Variants in CLNK observed in about 807,000 individuals in gnomAD.
The protein encoded by CLNK is cytokine dependent hematopoietic cell linker.
CLNK carries 74 observed loss-of-function variants against 68.6 expected under a neutral mutation model. The ratio of observed to expected loss-of-function variants is 1.08; its 90% confidence interval spans 0.89 to 1.31. CLNK has a LOEUF of 1.31. Among genes scored for constraint, CLNK ranks in the 50% most tolerant of loss-of-function variants. The probability of loss-of-function intolerance (pLI) is 0.00; values close to 1 mark genes in which losing one functional copy is unlikely to be tolerated. For synonymous variants in CLNK, 198 were observed against 172.2 expected, an observed-to-expected ratio of 1.15 and a Z score of -1.17; for missense variants, 553 against 515.3, an observed-to-expected ratio of 1.07 and a Z score of -0.71.
chr4:10,631,760 A>G (rs1205804014), intron 2 of CLNK, among the ~76,000 whole-genome samples: 1 of 152,228 alleles, frequency 6.6e-6, no homozygotes, highest in Non-Finnish European at 1.5e-5. Flanking sequence ...CAATTAGAAA[A>G]TGTTCTTTTT....
chr4:10,603,934 A>AT (rs1410218366), intron 2 of CLNK, among the ~76,000 whole-genome samples: 2 of 152,172 alleles, frequency 1.3e-5, no homozygotes, highest in Admixed American at 6.5e-5. Context: ...CTTTGGTTAT[A>AT]TTTTTTAGTA....
At chr4:10,536,154 C>T in intron 11 of CLNK, among the ~76,000 whole-genome samples, 1 of 152,184 alleles carries the variant, frequency 6.6e-6, no homozygotes, top group East Asian at 1.9e-4. Flanking sequence ...CTGCAAAAGG[C>T]TGCAGCTGTC....
intron 13 of CLNK, among the ~76,000 whole-genome samples, chr4:10,526,254 A>G (rs1054847525): frequency 4.0e-5 from 6 of 150,344 alleles, no homozygotes; most frequent in Non-Finnish European, 6.0e-5. Flanking sequence ...CTTCCTCCTC[A>G]TTCATTCATT....
the CLNK span, chr4:10,697,323 C>T: frequency 2.0e-5 from 3 of 152,104 alleles, no homozygotes; most frequent in African/African-American, 7.2e-5. Flanking sequence ...ATCCGGAGTT[C>T]AGAGACATGA....
rs2109012926 is a variant in CLNK at position 10,488,762 on chromosome 4, T to C, written c.*1705A>G. 6.6e-6 allele frequency: 1 copy of C among 152,342 alleles called. No homozygotes were observed. The highest frequency in any genetic ancestry group is 2.4e-5 in the African/African-American group (1 of 41,590). 9.4% of individuals were successfully genotyped at this position (152,342 alleles called of 1,614,324 possible). A position where few individuals can be genotyped will look rare whatever the true frequency, so the allele number is the denominator to read the frequency against. Reference sequence around the variant, plus strand: ...GATAGTGGGTAGATGCTAAGAGCTTTTCCCAGAGAGCTCATTGTCTGCTGT... The same window carrying C: ...GATAGTGGGTAGATGCTAAGAGCTTCTCCCAGAGAGCTCATTGTCTGCTGT... On this transcript the variant is annotated 3_prime_UTR_variant, in exon 19 of 19. Transcript: ENST00000226951.
intron 7 of CLNK, among the ~76,000 whole-genome samples, chr4:10,559,233 C>T (rs995924935): frequency 1.3e-5 from 2 of 152,154 alleles, no homozygotes; most frequent in Non-Finnish European, 2.9e-5. Context: ...TCTTTATTGG[C>T]ACCAGGTTGA....
intron 2 of CLNK, among the ~76,000 whole-genome samples, chr4:10,642,985 A>G (rs949163476): frequency 2.0e-5 from 3 of 152,196 alleles, no homozygotes; most frequent in Non-Finnish European, 2.9e-5. Flanking sequence ...CTAGAACAAA[A>G]CAGGCTATAT....
chr4:10,651,705 T>TA (rs1723744808), intron 2 of CLNK, among the ~76,000 whole-genome samples: 1 of 152,158 alleles, frequency 6.6e-6, no homozygotes, highest in Admixed American at 6.5e-5. Flanking sequence ...TAAAAATCTT[T>TA]AAAAAATTAA....
chr4:10,719,990 A>G, the CLNK span, among the ~76,000 whole-genome samples: 1 of 152,188 alleles, frequency 6.6e-6, no homozygotes, highest in Non-Finnish European at 1.5e-5. Flanking sequence ...GAAATTGAAA[A>G]AAAAATTCAT....
Position 10,503,738 on chromosome 4 carries a change from C to T in CLNK, c.985-2327G>A, listed in dbSNP as rs192478558. ...GGTAGCTAAGGTGCATTGAGATTTG[C>T]CAAGCACTTTACACACATTGTTTCA... On this transcript the variant is annotated intron_variant, in intron 17 of 18. Transcript: ENST00000226951. Among the ~76,000 whole-genome samples the T allele has an allele frequency of 2.6e-3, 375 of 145,064 alleles. 2 individuals carry two copies. Among genetic ancestry groups the T allele is most frequent in the Non-Finnish European group, 3.9e-3 (262 of 66,704 alleles).
chr4:10,707,384 G>T, the CLNK span, among the ~76,000 whole-genome samples: 1 of 152,304 alleles, frequency 6.6e-6, no homozygotes, highest in Non-Finnish European at 1.5e-5. Flanking sequence ...TCAATTGCCA[G>T]TAAGAAAATC....
chr4:10,511,746 C>T (rs1717592283), intron 16 of CLNK, among the ~76,000 whole-genome samples: 1 of 152,126 alleles, frequency 6.6e-6, no homozygotes, highest in Non-Finnish European at 1.5e-5. Flanking sequence ...GTATACCATT[C>T]TGTTTATCCA....
chr4:10,501,500 G>A lies in CLNK; in HGVS notation c.985-89C>T, dbSNP rs1717049698. ...GCAACAATGATGTCTGCATGCATGA[G>A]ATTCCCAGATGGATTTAGTTTTTGG... is the stretch of plus-strand genomic sequence containing the variant. On this transcript the variant is annotated intron_variant, in intron 17 of 18. Coordinates refer to ENST00000226951, the MANE Select transcript of CLNK (RefSeq NM_052964.4). 6.1e-6 allele frequency: 8 copies of A among 1,313,800 alleles called. No individual in the cohort carries two copies. In the South Asian group the frequency reaches 9.9e-5, roughly 16 times the overall value. The allele number at this position is 1,313,800 out of a possible 1,614,324, so 81.4% of individuals were successfully genotyped here. A position where few individuals can be genotyped will look rare whatever the true frequency, so the allele number is the denominator to read the frequency against.
intron 7 of CLNK, among the ~76,000 whole-genome samples, chr4:10,560,144 G>T (rs936132116): frequency 1.3e-5 from 2 of 152,206 alleles, no homozygotes; most frequent in African/African-American, 4.8e-5. Flanking sequence ...CGGAGATGCA[G>T]GTCTGCGTGC....
intron 16 of CLNK, among the ~76,000 whole-genome samples, chr4:10,510,659 A>G (rs779351801): frequency 6.6e-6 from 1 of 152,102 alleles, no homozygotes; most frequent in East Asian, 1.9e-4. Flanking sequence ...AGCATTTACA[A>G]TCTATTCTCT....
At chr4:10,534,717 C>G (rs1718670685) in intron 11 of CLNK, among the ~76,000 whole-genome samples, 1 of 152,140 alleles carries the variant, frequency 6.6e-6, no homozygotes, top group African/African-American at 2.4e-5. Flanking sequence ...AACTTTTTAT[C>G]CTGAGATAAA....
intron 17 of CLNK, among the ~76,000 whole-genome samples, chr4:10,507,204 C>T (rs964433460): frequency 2.0e-5 from 3 of 151,946 alleles, no homozygotes; most frequent in Non-Finnish European, 2.9e-5. Context: ...CTCTGCCTCC[C>T]GGCTTCAAGC....
the CLNK span, among the ~76,000 whole-genome samples, chr4:10,695,585 A>T: frequency 6.6e-6 from 1 of 152,294 alleles, no homozygotes; most frequent in East Asian, 1.9e-4. Context: ...AGGGCCTCCC[A>T]GATCTTATGA....
chr4:10,507,874 T>C, intron 17 of CLNK, 85 bp downstream of exon 17: 1 of 984,892 alleles, frequency 1.0e-6, no homozygotes, highest in South Asian at 1.5e-5. Flanking sequence ...GAAAGCAAGC[T>C]GCTTGTTACG....
Sources: gnomAD v4.1 joint callset for allele counts (sites outside exome capture counted in the v4.1 genomes callset) on GRCh38, gnomAD v4.1.1 for gene constraint, MANE v1.5 for transcripts, NCBI Gene and HGNC (gene_info 2026-07-23, HGNC 2026-07-21) for gene names.